RANBP2: variants seen among roughly 807,000 people sequenced by gnomAD.
RANBP2 encodes the protein E3 SUMO-protein ligase RanBP2.
In RANBP2, 57 loss-of-function variants were observed where a neutral mutation model predicts 303.6. That is an observed-to-expected ratio of 0.19 (90% CI 0.15 to 0.23). The LOEUF (loss-of-function observed/expected upper bound fraction) is 0.23, where lower values mean the gene tolerates loss of function less well. Among genes scored for constraint, RANBP2 ranks in the 10% least tolerant of loss-of-function variants. The pLI is 1.00. For missense variants in RANBP2, 3,138 were observed against 3,780.8 expected (o/e 0.83, Z 4.46); for synonymous variants, 1,167 against 1,301.5 (o/e 0.90, Z 2.23).
the RANBP2 span, among the ~76,000 whole-genome samples, chr2:109,266,196 G>A: frequency 1.3e-5 from 2 of 150,968 alleles, no homozygotes; most frequent in African/African-American, 4.9e-5. Flanking sequence ...TGTGTGTTGT[G>A]TGTTGTGTGC....
At chr2:108,980,841 G>T in the RANBP2 span, among the ~76,000 whole-genome samples, 1 of 152,110 alleles carries the variant, frequency 6.6e-6, no homozygotes, top group African/African-American at 2.4e-5. Flanking sequence ...ACTCCATGGG[G>T]GCTGGCAGAG....
chr2:109,601,651 T>C, the RANBP2 span, among the ~76,000 whole-genome samples: 6 of 152,322 alleles, frequency 3.9e-5, 1 homozygote, highest in African/African-American at 1.4e-4. Flanking sequence ...TAAATATCTT[T>C]TCCTGATTTA....
In RANBP2 at chr2:108,764,597, G is replaced by T; in HGVS notation, c.4058G>T (p.Gly1353Val). Residue 1353 changes from glycine (G) to valine (V), a missense_variant, in exon 20 of 29, where the codon GGG becomes GTG. Physicochemically the swap from Gly to Val is moderately radical, Grantham distance 109. Coordinates refer to ENST00000283195, the MANE Select transcript of RANBP2 (RefSeq NM_006267.5). ...NFEFQVAKKE[G>V]SWWHCNSCSL... is the part of the protein sequence containing the mutation. ...GAATTTCAGGTTGCAAAGAAAGAAG[G>T]GTCTTGGTGGCATTGTAACAGCTGC... 1.2e-6 allele frequency: 2 copies of T among 1,614,004 alleles called. No individual in the cohort carries two copies. The highest frequency in any genetic ancestry group is 1.7e-6 in the Non-Finnish European group (2 of 1,179,956).
the RANBP2 span, among the ~76,000 whole-genome samples, chr2:109,017,509 C>T: frequency 6.6e-6 from 1 of 152,222 alleles, no homozygotes; most frequent in African/African-American, 2.4e-5. Context: ...CACTTCCAGC[C>T]TCTTTCCTCA....
rs760140197 is a variant in RANBP2 at position 108,777,217 on chromosome 2, C to G, written c.8585C>G (p.Ala2862Gly). Reference sequence around the variant, plus strand: ...GCTTCCAGTAATTCTGGAGATTTTGCTTTTGGTTCTAAAGGTAAGATCAAG... The same window carrying G: ...GCTTCCAGTAATTCTGGAGATTTTGGTTTTGGTTCTAAAGGTAAGATCAAG... ...DLASSNSGDF[A>G]FGSKDKNFQW... The change falls in exon 25 of 29, where the codon GCT becomes GGT. Residue 2862 changes from alanine to glycine, a missense_variant. Physicochemically the swap from Ala to Gly is moderately conservative, Grantham distance 60. Around this residue, in one of 20 missense-constraint regions of RANBP2, gnomAD observed 497 missense variants for 465.8 expected, o/e 1.07. Transcript: ENST00000283195. The G allele has an allele frequency of 1.9e-6, 3 of 1,613,236 alleles. No homozygotes were observed. The highest frequency in any genetic ancestry group is 2.7e-5 in the African/African-American group (2 of 74,968).
At chr2:109,060,942 T>C in the RANBP2 span, among the ~76,000 whole-genome samples, 1 of 152,182 alleles carries the variant, frequency 6.6e-6, no homozygotes, top group Non-Finnish European at 1.5e-5. Flanking sequence ...AGATTACTCA[T>C]AGTCCAGCAC....
the RANBP2 span, chr2:108,884,940 T>C: frequency 1.3e-5 from 2 of 152,254 alleles, no homozygotes; most frequent in Non-Finnish European, 2.9e-5. Flanking sequence ...AGCAGTGGCT[T>C]CTGGAATTTC....
the RANBP2 span, among the ~76,000 whole-genome samples, chr2:109,748,854 CAGAG>C: frequency 2.3e-5 from 3 of 132,646 alleles, no homozygotes; most frequent in African/African-American, 8.1e-5. Flanking sequence ...GCCTGGGTGA[CAGAG>C]AGAGACTCCA....
At chr2:108,758,326 A>T (rs1468183366) in intron 17 of RANBP2, 87 bp from the exon 18 acceptor site, 12 of 1,558,830 alleles carry the variant, frequency 7.7e-6, no homozygotes, top group Non-Finnish European at 9.5e-6. Flanking sequence ...AGTTATTTAA[A>T]TTTAAAAGAG....
At chr2:108,834,214 ATTT>A in the RANBP2 span, among the ~76,000 whole-genome samples, 1 of 139,650 alleles carries the variant, frequency 7.2e-6, no homozygotes. Flanking sequence ...CATCTTTGAA[ATTT>A]TTTTTTTTTT....
At chr2:108,873,654 G>A in the RANBP2 span, 1 of 1,170,330 alleles carries the variant, frequency 8.5e-7, no homozygotes, top group Non-Finnish European at 1.2e-6. Context: ...TTTAAACCAG[G>A]GGTTTTAATC....
the RANBP2 span, among the ~76,000 whole-genome samples, chr2:109,082,149 C>A: frequency 5.9e-5 from 9 of 152,228 alleles, no homozygotes; most frequent in Admixed American, 3.3e-4. Context: ...TGCAGCTAAT[C>A]AACAGTTAGC....
chr2:109,465,359 G>T, the RANBP2 span, among the ~76,000 whole-genome samples: 3 of 152,216 alleles, frequency 2.0e-5, no homozygotes, highest in African/African-American at 7.2e-5. Flanking sequence ...GTAAGAGTAT[G>T]TGCTGAGGTC....
the RANBP2 span, among the ~76,000 whole-genome samples, chr2:109,080,897 G>A: frequency 6.6e-6 from 1 of 152,164 alleles, no homozygotes; most frequent in Non-Finnish European, 1.5e-5. Context: ...TGTATTAAGA[G>A]GATATTGGAT....
At chr2:108,889,742 C>G in the RANBP2 span, among the ~76,000 whole-genome samples, 1 of 152,110 alleles carries the variant, frequency 6.6e-6, no homozygotes, top group Non-Finnish European at 1.5e-5. Flanking sequence ...ATCCATTCAG[C>G]TATTCTATAT....
the RANBP2 span, among the ~76,000 whole-genome samples, chr2:109,629,323 A>G: frequency 3.0e-4 from 9 of 29,894 alleles, no homozygotes; most frequent in Admixed American, 1.5e-3. Flanking sequence ...ATATATATAT[A>G]TATATATATA....
At chr2:108,768,786 A>AC (rs1258448627) in intron 20 of RANBP2, among the ~76,000 whole-genome samples, 1 of 152,156 alleles carries the variant, frequency 6.6e-6, no homozygotes, top group South Asian at 2.1e-4. Context: ...GAATGCCAGC[A>AC]CTTTGGGAGG....
the RANBP2 span, among the ~76,000 whole-genome samples, chr2:109,478,163 G>A: frequency 9.9e-5 from 15 of 152,192 alleles, no homozygotes; most frequent in African/African-American, 3.1e-4. Context: ...TGGGGCAGGC[G>A]ATTCTAGTGC....
At chr2:109,212,065 T>C in the RANBP2 span, among the ~76,000 whole-genome samples, 1 of 152,212 alleles carries the variant, frequency 6.6e-6, no homozygotes, top group Non-Finnish European at 1.5e-5. Context: ...TCCAGGGAGA[T>C]AGCGAAACTT....
Sources: gnomAD v4.1 joint callset for allele counts (sites outside exome capture counted in the v4.1 genomes callset) on GRCh38, gnomAD v4.1.1 for gene constraint, gnomAD v4.1.1 regional missense constraint, MANE v1.5 for transcripts, NCBI Gene and HGNC (gene_info 2026-07-23, HGNC 2026-07-21) for gene names.